The following CCDC85C variants were observed in gnomAD, a reference collection of about 807,000 sequenced individuals.
CCDC85C encodes the protein coiled-coil domain-containing protein 85C.
In CCDC85C, 18 loss-of-function variants were observed where a neutral mutation model predicts 38.3. That is an observed-to-expected ratio of 0.47 (90% confidence interval 0.33 to 0.70). The LOEUF (loss-of-function observed/expected upper bound fraction) is 0.70, where lower values mean the gene tolerates loss of function less well. Ranked by LOEUF, CCDC85C falls within the 30% of genes least tolerant of loss-of-function variation. The pLI, the probability that CCDC85C is intolerant of heterozygous loss-of-function variation, is 0.03. For synonymous variants in CCDC85C, 264 were observed against 293.8 expected (o/e 0.90, Z 1.04); for missense variants, 566 against 621.2 (o/e 0.91, Z 0.94).
intron 2 of CCDC85C, among the ~76,000 whole-genome samples, chr14:99,524,326 G>C (rs1897343691): frequency 6.6e-6 from 1 of 152,014 alleles, no homozygotes; most frequent in African/African-American, 2.4e-5. Flanking sequence ...CTCAGCTTCT[G>C]TTTGGACTCC....
At chr14:99,585,199 C>T (rs917554631) in intron 1 of CCDC85C, among the ~76,000 whole-genome samples, 9 of 152,240 alleles carry the variant, frequency 5.9e-5, no homozygotes, top group African/African-American at 2.2e-4. Flanking sequence ...CTGTGGGCCA[C>T]ACTCACAGTG....
intron 2 of CCDC85C, among the ~76,000 whole-genome samples, chr14:99,527,796 T>C (rs1477561852): frequency 6.6e-6 from 1 of 151,970 alleles, no homozygotes; most frequent in Non-Finnish European, 1.5e-5. Flanking sequence ...TCGTCTCCAC[T>C]AACTCATGCA....
Position 99,603,131 on chromosome 14 carries a change from G to A in CCDC85C, c.793+36C>T, listed in dbSNP as rs945485802. ...CAGCCTGGGAAAAGGGCTGCAGCCA[G>A]GGAGACCCGCGCTGCCCGGCCCGTG... On this transcript the variant is annotated intron_variant, in intron 1 of 5. Transcript: ENST00000380243. The surrounding 1 kb of genome is among the most constrained non-coding windows in gnomAD (Gnocchi z 7.5). 60 of 1,297,114 alleles carry A rather than the reference G, an allele frequency of 4.6e-5. 2 individuals carry two copies. The East Asian group carries it at 1.7e-3, about 37-fold the overall frequency. 80.4% of individuals were successfully genotyped at this position (1,297,114 alleles called of 1,614,324 possible).
intron 5 of CCDC85C, among the ~76,000 whole-genome samples, chr14:99,515,744 C>T (rs1328057868): frequency 6.6e-6 from 1 of 152,166 alleles, no homozygotes; most frequent in East Asian, 1.9e-4. Flanking sequence ...GCACGGAGCT[C>T]TCCTGGGCAG....
intron 5 of CCDC85C, among the ~76,000 whole-genome samples, chr14:99,515,695 A>C (rs1595335384): frequency 6.6e-6 from 1 of 151,756 alleles, no homozygotes; most frequent in Non-Finnish European, 1.5e-5. Flanking sequence ...TCCTGCAAGC[A>C]CCCCCAAGGA....
intron 1 of CCDC85C, among the ~76,000 whole-genome samples, chr14:99,582,833 TA>T (rs1271167082): frequency 2.0e-5 from 3 of 152,042 alleles, no homozygotes; most frequent in Admixed American, 2.0e-4. Flanking sequence ...AAAAAAAAGT[TA>T]AGTAAAAACT....
chr14:99,501,024 C>A lies in CCDC85C; in HGVS notation c.*14222G>T. The A allele has an allele frequency of 1.6e-6, 1 of 623,186 alleles. No individual in the cohort carries two copies. Among genetic ancestry groups the A allele is most frequent in the Non-Finnish European group, 2.8e-6 (1 of 352,348 alleles). The allele number at this position is 623,186 out of a possible 1,614,324, so 38.6% of individuals were successfully genotyped here. On this transcript the variant is annotated 3_prime_UTR_variant, in exon 6 of 6. Transcript: ENST00000380243. ...TTGCTCAGTCAATTCAGCATTGCAG[C>A]TGCTAATGCTGTTTCCTTTTATGTA...
At chr14:99,559,588 C>T (rs1303663270) in intron 1 of CCDC85C, among the ~76,000 whole-genome samples, 1 of 152,178 alleles carries the variant, frequency 6.6e-6, no homozygotes, top group African/African-American at 2.4e-5. Flanking sequence ...GCCTCCAAAC[C>T]GATCACAACT....
chr14:99,520,245 G>A lies in CCDC85C; in HGVS notation c.975+1888C>T, dbSNP rs546141139. ...CCAGGCAGTGTCTGAGCCCGGAGAC[G>A]GCCCTCTCTGGATAACCCCCTCACT... On this transcript the variant is annotated intron_variant, in intron 3 of 5. Transcript: ENST00000380243. This position sits in a 1 kb window ranked among gnomAD's most constrained non-coding sequence, Gnocchi z 4.1. 8.5e-5 allele frequency among the ~76,000 whole-genome samples: 13 copies of A among 152,246 alleles called. No homozygotes were observed. The South Asian group carries it at 2.1e-3, about 24-fold the overall frequency.
rs1196502536 is a variant in CCDC85C at position 99,566,856 on chromosome 14, CCTGCACCCTCTA to C, written c.794-30780_794-30769del. Among the ~76,000 whole-genome samples the C allele has an allele frequency of 5.1e-4, 78 of 152,322 alleles. 1 individual carries two copies. Among genetic ancestry groups the C allele is most frequent in the African/African-American group, 1.8e-3 (76 of 41,590 alleles). ...ACCAGGGCCTTGGACATTTCACTGT[CCTGCACCCTCTA>C]CTGAAGGGAAGGGGCCTAGATGGCT... On this transcript the variant is annotated intron_variant, in intron 1 of 5. Transcript: ENST00000380243.
intron 1 of CCDC85C, among the ~76,000 whole-genome samples, chr14:99,542,647 C>G: frequency 6.6e-6 from 1 of 152,184 alleles, no homozygotes; most frequent in Non-Finnish European, 1.5e-5. Context: ...TCCAGCTCAG[C>G]ACCACCCATC....
In CCDC85C at chr14:99,502,684, A is replaced by G. The variant is rs193115185; in HGVS notation, c.*12562T>C. On this transcript the variant is annotated 3_prime_UTR_variant, in exon 6 of 6. Coordinates refer to ENST00000380243, the MANE Select transcript of CCDC85C (RefSeq NM_001144995.2). ...AGGTAAAATTTTATTTAAAATACCA[A>G]TTTGTGTAAAATGTAATTGTTGGCT... The G allele has an allele frequency of 6.2e-5, 99 of 1,594,988 alleles. No individual in the cohort carries two copies. In the Middle Eastern group the frequency reaches 6.6e-4, roughly 11 times the overall value.
intron 2 of CCDC85C, among the ~76,000 whole-genome samples, chr14:99,523,614 G>A (rs187222862): frequency 0.012 from 1,769 of 152,298 alleles, 18 homozygotes; most frequent in Non-Finnish European, 0.016. Flanking sequence ...CAGGGCAGCC[G>A]GGCACTGGAG....
Position 99,504,634 on chromosome 14 carries a change from G to GA in CCDC85C, c.*10611dup, listed in dbSNP as rs1896928645. ...CCTGGCTAATTTTGTATTTTTAGTA[G>GA]AGACAGGGTTTCTCCATGTTGGTCA... On this transcript the variant is annotated 3_prime_UTR_variant, in exon 6 of 6. Transcript: ENST00000380243. 1.3e-5 allele frequency: 2 copies of GA among 152,216 alleles called. No homozygotes were observed. The highest frequency in any genetic ancestry group is 4.2e-4 in the South Asian group (2 of 4,804). The allele number at this position is 152,216 out of a possible 1,614,324, so 9.4% of individuals were successfully genotyped here.
intron 2 of CCDC85C, among the ~76,000 whole-genome samples, chr14:99,529,828 T>C (rs1325044106): frequency 1.3e-5 from 2 of 152,244 alleles, no homozygotes; most frequent in African/African-American, 4.8e-5. Flanking sequence ...GCGGAGGCTA[T>C]GGCTGGCCCA....
In CCDC85C at chr14:99,522,132, C is replaced by T. The variant is rs920620944; in HGVS notation, c.975+1G>A. 33 of 1,549,100 alleles carry T rather than the reference C, an allele frequency of 2.1e-5. No individual in the cohort carries two copies. Among genetic ancestry groups the T allele is most frequent in the Middle Eastern group, 1.7e-4 (1 of 6,006 alleles). Reference sequence around the variant, plus strand: ...TGGGCTTTTTTGGGGTGCACACTCACGTTCTGCAGGGAGTCCTGGTAGGAG... The same window carrying T: ...TGGGCTTTTTTGGGGTGCACACTCATGTTCTGCAGGGAGTCCTGGTAGGAG... On this transcript the variant is annotated splice_donor_variant, in intron 3 of 5. Transcript: ENST00000380243. LOFTEE classifies it high-confidence loss of function.
In CCDC85C at chr14:99,603,282, C is replaced by A; in HGVS notation, c.678G>T (p.Pro226=). 1.5e-6 allele frequency: 2 copies of A among 1,378,082 alleles called. No individual in the cohort carries two copies. The highest frequency in any genetic ancestry group is 1.9e-6 in the Non-Finnish European group (2 of 1,070,846). The allele number at this position is 1,378,082 out of a possible 1,614,324, so 85.4% of individuals were successfully genotyped here. The change falls in exon 1 of 6, where the codon CCG becomes CCT. Residue 226 remains proline (P), a synonymous_variant. Coordinates refer to ENST00000380243, the MANE Select transcript of CCDC85C (RefSeq NM_001144995.2). This position sits in a 1 kb window ranked among gnomAD's most constrained non-coding sequence, Gnocchi z 7.5. ...SPDHHHHVPP[P]LLPPGPHKAP... ...CCTTGTGCGGCCCGGGGGGCAGCAG[C>A]GGGGGTGGGACGTGGTGGTGGTGGT...
rs765352190 is a variant in CCDC85C, at chr14:99,515,344, A to G, written c.1171-9T>C. The G allele has an allele frequency of 6.5e-6, 10 of 1,548,280 alleles. No homozygotes were observed. The South Asian group carries it at 1.2e-4, about 18-fold the overall frequency. On this transcript the variant is annotated splice_polypyrimidine_tract_variant and intron_variant, in intron 5 of 5. Transcript: ENST00000380243. ...AGCTTTCTCCAGACCACCTGTGGAG[A>G]GGAGAGAGATGTGAGTGGTGGGACT...
chr14:99,597,459 A>G (rs905563149), intron 1 of CCDC85C, among the ~76,000 whole-genome samples: 4 of 152,104 alleles, frequency 2.6e-5, no homozygotes, highest in African/African-American at 9.7e-5. Flanking sequence ...TGGGGTGTCC[A>G]CAAGCCCCAT....
Sources: gnomAD v4.1 joint callset for allele counts (sites outside exome capture counted in the v4.1 genomes callset) on GRCh38, gnomAD v4.1.1 for gene constraint, Gnocchi (gnomAD v3.1) non-coding constraint, MANE v1.5 for transcripts, NCBI Gene and HGNC (gene_info 2026-07-23, HGNC 2026-07-21) for gene names.